The following DACH1 variants were observed in gnomAD, a reference collection of about 807,000 sequenced individuals.
The protein encoded by DACH1 is dachshund homolog 1.
In DACH1, 12 loss-of-function variants were observed where a neutral mutation model predicts 54.2. The ratio of observed to expected loss-of-function variants is 0.22; its 90% confidence interval spans 0.14 to 0.36. The LOEUF is 0.36. DACH1 is among the 10% of genes least tolerant of loss of function. The pLI is 1.00. For synonymous variants in DACH1, 386 were observed against 366.2 expected (o/e 1.05, Z -0.62); for missense variants, 805 against 929.8 (o/e 0.87, Z 1.75).
chr13:71,572,703 A>G (rs1057476404), intron 4 of DACH1, 137 bp downstream of exon 4: 1 of 915,978 alleles, frequency 1.1e-6, no homozygotes, highest in African/African-American at 1.7e-5. Flanking sequence ...ATTTGCTACA[A>G]GTGATTTTTT....
chr13:71,622,801 T>A (rs1023240235), intron 3 of DACH1, among the ~76,000 whole-genome samples: 1 of 151,966 alleles, frequency 6.6e-6, no homozygotes, highest in African/African-American at 2.4e-5. Flanking sequence ...ATAAAATCAC[T>A]TAACTTTTAT....
At chr13:71,503,251 A>C (rs2138237814) in intron 6 of DACH1, among the ~76,000 whole-genome samples, 1 of 152,344 alleles carries the variant, frequency 6.6e-6, no homozygotes. Context: ...CTGTTTGTTT[A>C]ACATGAAAAA....
At chr13:71,528,308 A>G (rs1882149587) in intron 6 of DACH1, among the ~76,000 whole-genome samples, 1 of 152,204 alleles carries the variant, frequency 6.6e-6, no homozygotes, top group Non-Finnish European at 1.5e-5. Flanking sequence ...TTAGAATTCA[A>G]ATCAATACAT....
At chr13:71,757,177 A>T in intron 1 of DACH1, among the ~76,000 whole-genome samples, 1 of 152,246 alleles carries the variant, frequency 6.6e-6, no homozygotes, top group East Asian at 1.9e-4. Context: ...CATAATAAAC[A>T]TGCATTCAAT....
chr13:71,630,997 C>A (rs1224842947), intron 2 of DACH1, among the ~76,000 whole-genome samples: 1 of 152,132 alleles, frequency 6.6e-6, no homozygotes, highest in Non-Finnish European at 1.5e-5. Context: ...TTAAAGAAAC[C>A]AATCTACGAA....
intron 1 of DACH1, among the ~76,000 whole-genome samples, chr13:71,782,996 T>C (rs1387237634): frequency 6.6e-6 from 1 of 152,130 alleles, no homozygotes; most frequent in Non-Finnish European, 1.5e-5. Context: ...GAGACTGGCA[T>C]TGACAGTGAA....
chr13:71,741,540 G>C (rs1430059273), intron 1 of DACH1, among the ~76,000 whole-genome samples: 1 of 151,988 alleles, frequency 6.6e-6, no homozygotes, highest in Non-Finnish European at 1.5e-5. Context: ...TTATTTTTCT[G>C]TTGAAGACAA....
chr13:71,542,287 A>T (rs976368948), intron 6 of DACH1, among the ~76,000 whole-genome samples: 3 of 152,006 alleles, frequency 2.0e-5, no homozygotes, highest in Non-Finnish European at 2.9e-5. Context: ...ACATACATAC[A>T]TACTTGAAAA....
intron 3 of DACH1, among the ~76,000 whole-genome samples, chr13:71,628,670 T>G (rs1399576526): frequency 6.6e-6 from 1 of 152,062 alleles, no homozygotes; most frequent in African/African-American, 2.4e-5. Context: ...AAAATTCAAA[T>G]TGTTTGTTTT....
chr13:71,619,098 T>A (rs1484134650), intron 3 of DACH1, among the ~76,000 whole-genome samples: 2 of 150,854 alleles, frequency 1.3e-5, no homozygotes, highest in Non-Finnish European at 3.0e-5. Flanking sequence ...TAATTCTGTT[T>A]TATATATATA....
intron 1 of DACH1, among the ~76,000 whole-genome samples, chr13:71,696,550 CT>C (rs201321215): frequency 0.029 from 4,208 of 144,542 alleles, 121 homozygotes; most frequent in African/African-American, 0.074. Context: ...TTCAAATTCA[CT>C]TTTTTTTTTT....
intron 1 of DACH1, among the ~76,000 whole-genome samples, chr13:71,685,298 A>C (rs1881105189): frequency 1.3e-5 from 2 of 152,184 alleles, no homozygotes; most frequent in Admixed American, 6.5e-5. Flanking sequence ...TTAAGCTTTA[A>C]GTTCTTTTAA....
intron 1 of DACH1, among the ~76,000 whole-genome samples, chr13:71,833,829 A>C (rs1447212375): frequency 6.6e-6 from 1 of 152,070 alleles, no homozygotes; most frequent in Non-Finnish European, 1.5e-5. Context: ...TGTAATCCCT[A>C]GTTTTGTCAA....
intron 3 of DACH1, among the ~76,000 whole-genome samples, chr13:71,591,204 A>T (rs1012298520): frequency 1.3e-5 from 2 of 151,928 alleles, no homozygotes; most frequent in Admixed American, 6.6e-5. Context: ...TTCATTTCAG[A>T]CTATTTTATT....
chr13:71,859,406 T>A (rs1874212036), intron 1 of DACH1, among the ~76,000 whole-genome samples: 1 of 151,844 alleles, frequency 6.6e-6, no homozygotes, highest in Non-Finnish European at 1.5e-5. Context: ...TGGGTCATTA[T>A]ATGTGATGTG....
At chr13:71,804,190 G>A (rs989539047) in intron 1 of DACH1, among the ~76,000 whole-genome samples, 2 of 152,088 alleles carry the variant, frequency 1.3e-5, no homozygotes, top group African/African-American at 4.8e-5. Context: ...GTGGTGGCAT[G>A]CACTTGTAGG....
At position 71,633,274 on chromosome 13, in the gene DACH1, A is replaced by C. The variant is rs549028171; in HGVS notation, c.965-2557T>G. Among the ~76,000 whole-genome samples the C allele has an allele frequency of 5.3e-5, 8 of 152,294 alleles. No individual in the cohort carries two copies. In the East Asian group the frequency reaches 1.5e-3, roughly 29 times the overall value. Reference sequence around the variant, plus strand: ...TAAAACCATTCTAATCCCCAAGAAAAAATATAAGGATAAATAAAATAAACT... The same window carrying C: ...TAAAACCATTCTAATCCCCAAGAAACAATATAAGGATAAATAAAATAAACT... On this transcript the variant is annotated intron_variant, in intron 2 of 10. Transcript: ENST00000613252.
chr13:71,544,397 G>A lies in DACH1; in HGVS notation c.1570+12627C>T, dbSNP rs141259323. 4.8e-3 allele frequency among the ~76,000 whole-genome samples: 728 copies of A among 152,106 alleles called. 6 individuals carry two copies. The highest frequency in any genetic ancestry group is 0.017 in the African/African-American group (688 of 41,494). On this transcript the variant is annotated intron_variant, in intron 6 of 10. Coordinates refer to ENST00000613252, the MANE Select transcript of DACH1 (RefSeq NM_080759.6). ...GTTTGAAAATACAACAATGTCCTAC[G>A]TCCTTTTGTTTAACATTCATCTCTA...
chr13:71,586,347 A>T (rs1566360234), intron 3 of DACH1, among the ~76,000 whole-genome samples: 1 of 152,164 alleles, frequency 6.6e-6, no homozygotes, highest in East Asian at 1.9e-4. Flanking sequence ...GGTTTATGAA[A>T]TGTAACAAGG....
Sources: allele counts gnomAD v4.1 joint callset (sites outside exome capture counted in the v4.1 genomes callset), GRCh38; gene constraint gnomAD v4.1.1; transcripts MANE v1.5; gene names NCBI Gene and HGNC (gene_info 2026-07-23, HGNC 2026-07-21).